The following MYT1L variants were observed in gnomAD, a reference collection of about 807,000 sequenced individuals.
MYT1L encodes the protein myelin transcription factor 1-like protein.
Under a neutral mutation model 126.7 loss-of-function variants are expected in MYT1L, and 12 were observed. That is an observed-to-expected ratio of 0.09 (90% CI 0.06 to 0.15). The LOEUF (loss-of-function observed/expected upper bound fraction) is 0.15, where lower values mean the gene tolerates loss of function less well. MYT1L is among the 10% of genes least tolerant of loss of function. The probability of loss-of-function intolerance (pLI) is 1.00; values close to 1 mark genes in which losing one functional copy is unlikely to be tolerated. For synonymous variants in MYT1L, 541 were observed against 604.2 expected (o/e 0.90, Z 1.53); for missense variants, 979 against 1,585.2 (o/e 0.62, Z 6.49).
At chr2:1,928,203 G>A (rs1320922639) in intron 9 of MYT1L, among the ~76,000 whole-genome samples, 1 of 152,210 alleles carries the variant, frequency 6.6e-6, no homozygotes, top group Non-Finnish European at 1.5e-5. Flanking sequence ...GCCTCCCATA[G>A]TGCTGGAATT....
At chr2:2,047,573 T>C (rs1047416521) in intron 4 of MYT1L, among the ~76,000 whole-genome samples, 1 of 152,214 alleles carries the variant, frequency 6.6e-6, no homozygotes, top group Admixed American at 6.5e-5. Context: ...CTTAGCATAT[T>C]GAATAAACTC....
intron 3 of MYT1L, among the ~76,000 whole-genome samples, chr2:2,113,767 C>T (rs1254304443): frequency 6.6e-6 from 1 of 152,198 alleles, no homozygotes; most frequent in Non-Finnish European, 1.5e-5. Context: ...TTACTGCCTC[C>T]ATTACACAGA....
chr2:2,227,382 C>T (rs1158588834), intron 2 of MYT1L, among the ~76,000 whole-genome samples: 19 of 152,194 alleles, frequency 1.2e-4, no homozygotes, highest in Admixed American at 1.1e-3. Context: ...CAAGCTTCCC[C>T]GTCCACAGTG....
intron 3 of MYT1L, among the ~76,000 whole-genome samples, chr2:2,089,155 G>A (rs560200327): frequency 1.2e-3 from 179 of 152,332 alleles, no homozygotes; most frequent in African/African-American, 4.0e-3. Flanking sequence ...CGGTTATTTG[G>A]AATTTACAAT....
intron 18 of MYT1L, among the ~76,000 whole-genome samples, chr2:1,877,311 C>T (rs2047035176): frequency 6.6e-6 from 1 of 152,152 alleles, no homozygotes; most frequent in African/African-American, 2.4e-5. Context: ...GACTTATATG[C>T]TAAGCAGAAA....
chr2:2,188,492 T>C (rs1369927376), intron 2 of MYT1L, among the ~76,000 whole-genome samples: 1 of 152,220 alleles, frequency 6.6e-6, no homozygotes, highest in African/African-American at 2.4e-5. Flanking sequence ...TGCCAAATTA[T>C]GTCATTTAAG....
chr2:1,985,439 G>A (rs1164676854), intron 5 of MYT1L, among the ~76,000 whole-genome samples: 1 of 152,224 alleles, frequency 6.6e-6, no homozygotes, highest in Non-Finnish European at 1.5e-5. Flanking sequence ...CAAGGCAGCT[G>A]GGAGCTGGTC....
rs149425810 is a variant in MYT1L, at chr2:1,823,963, C to T, written c.3081-14796G>A. On this transcript the variant is annotated intron_variant, in intron 21 of 24. Coordinates refer to ENST00000647738, the MANE Select transcript of MYT1L (RefSeq NM_001303052.2). ...GGCACAGTGTTGGCCTGGGCCTCGC[C>T]GTCCCTGGCACGACCCATGGGATGA... Among the ~76,000 whole-genome samples, 9 of 152,280 alleles carry T rather than the reference C, an allele frequency of 5.9e-5. No homozygotes were observed. The East Asian group carries it at 9.7e-4, about 16-fold the overall frequency.
intron 5 of MYT1L, among the ~76,000 whole-genome samples, chr2:1,994,095 T>A (rs1452989618): frequency 6.6e-6 from 1 of 152,234 alleles, no homozygotes; most frequent in Admixed American, 6.5e-5. Flanking sequence ...TCATGGTATT[T>A]TTTCCCATGT....
At chr2:2,093,592 C>T (rs1179475496) in intron 3 of MYT1L, among the ~76,000 whole-genome samples, 2 of 151,906 alleles carry the variant, frequency 1.3e-5, no homozygotes, top group Non-Finnish European at 2.9e-5. Flanking sequence ...GAATATTAGC[C>T]CCTTGTCAGA....
At chr2:2,282,645 TA>T (rs1184131299) in intron 2 of MYT1L, among the ~76,000 whole-genome samples, 1 of 152,260 alleles carries the variant, frequency 6.6e-6, no homozygotes, top group African/African-American at 2.4e-5. Context: ...GAATGGTTAT[TA>T]AAACCATGTT....
At chr2:2,205,294 CA>C (rs936582390) in intron 2 of MYT1L, among the ~76,000 whole-genome samples, 2 of 151,806 alleles carry the variant, frequency 1.3e-5, no homozygotes, top group Non-Finnish European at 2.9e-5. Context: ...CTATAATATA[CA>C]AAAAAAGAAA....
At chr2:2,138,948 G>T (rs1238683752) in intron 3 of MYT1L, among the ~76,000 whole-genome samples, 1 of 151,896 alleles carries the variant, frequency 6.6e-6, no homozygotes, top group East Asian at 1.9e-4. Context: ...CAGGCCACTT[G>T]CCATGCCATT....
chr2:2,191,926 T>G (rs1332379549), intron 2 of MYT1L, among the ~76,000 whole-genome samples: 1 of 152,242 alleles, frequency 6.6e-6, no homozygotes. Context: ...TTTTCAAAGT[T>G]GTACTCTGTA....
chr2:1,837,432 G>C (rs1028550495), intron 21 of MYT1L, among the ~76,000 whole-genome samples: 4 of 152,166 alleles, frequency 2.6e-5, no homozygotes, highest in Non-Finnish European at 5.9e-5. Context: ...TTTTATTAAT[G>C]GTGAAAGGTT....
chr2:2,215,234 A>G (rs2093644627), intron 2 of MYT1L, among the ~76,000 whole-genome samples: 1 of 152,174 alleles, frequency 6.6e-6, no homozygotes, highest in Non-Finnish European at 1.5e-5. Context: ...AAGTTATCTA[A>G]ACACAGTAAT....
At chr2:1,923,881 T>C (rs575108404) in intron 9 of MYT1L, among the ~76,000 whole-genome samples, 2 of 152,210 alleles carry the variant, frequency 1.3e-5, no homozygotes, top group South Asian at 4.1e-4. Flanking sequence ...TCAAGACAAT[T>C]TATCATGATA....
chr2:2,125,136 C>T (rs2081524137), intron 3 of MYT1L, among the ~76,000 whole-genome samples: 1 of 152,162 alleles, frequency 6.6e-6, no homozygotes, highest in Admixed American at 6.5e-5. Flanking sequence ...ACCTTCCTGT[C>T]TCTTCTGCCC....
chr2:2,063,152 T>A (rs2070755145), intron 3 of MYT1L, among the ~76,000 whole-genome samples: 1 of 152,204 alleles, frequency 6.6e-6, no homozygotes, highest in Admixed American at 6.5e-5. Context: ...CTAAGTGATC[T>A]CTTAGTGATT....
Sources: gnomAD v4.1 joint callset for allele counts (sites outside exome capture counted in the v4.1 genomes callset) on GRCh38, gnomAD v4.1.1 for gene constraint, MANE v1.5 for transcripts, NCBI Gene and HGNC (gene_info 2026-07-23, HGNC 2026-07-21) for gene names.